The following NXPH1 variants were observed in gnomAD, a reference collection of about 807,000 sequenced individuals.
The protein encoded by NXPH1 is neurexophilin 1, also known as neurexophilin-1.
A neutral mutation model predicts 23.7 loss-of-function variants in NXPH1; 5 were observed. That is an observed-to-expected ratio of 0.21 (90% CI 0.11 to 0.44). The LOEUF (loss-of-function observed/expected upper bound fraction) is 0.44, where lower values mean the gene tolerates loss of function less well. NXPH1 is among the 20% of genes least tolerant of loss of function. The pLI is 0.99. For missense variants in NXPH1, 324 were observed against 321.6 expected (o/e 1.01, Z -0.06); for synonymous variants, 144 against 122.2 (o/e 1.18, Z -1.18).
chr7:8,738,923 T>A (rs868168492), intron 2 of NXPH1, among the ~76,000 whole-genome samples: 18 of 152,186 alleles, frequency 1.2e-4, no homozygotes, highest in African/African-American at 4.3e-4. Context: ...TTGTTTACAC[T>A]GTGAGGGGAA....
chr7:8,506,698 A>G (rs1441067591), intron 2 of NXPH1, among the ~76,000 whole-genome samples: 1 of 152,076 alleles, frequency 6.6e-6, no homozygotes, highest in Non-Finnish European at 1.5e-5. Flanking sequence ...GATGTTTGAG[A>G]TAAGAGCTAA....
intron 2 of NXPH1, among the ~76,000 whole-genome samples, chr7:8,640,894 C>CA (rs1233333483): frequency 1.3e-5 from 2 of 151,964 alleles, no homozygotes; most frequent in African/African-American, 4.8e-5. Context: ...TTCAAGGCTG[C>CA]AGTGAGCTGT....
intron 2 of NXPH1, among the ~76,000 whole-genome samples, chr7:8,675,344 T>C (rs1221844994): frequency 1.3e-5 from 2 of 152,086 alleles, no homozygotes; most frequent in African/African-American, 4.8e-5. Context: ...AATATTCTAA[T>C]TTTTAGGCAT....
chr7:8,690,786 G>T lies in NXPH1; in HGVS notation c.55-60222G>T, dbSNP rs187302999. On this transcript the variant is annotated intron_variant, in intron 2 of 2. Coordinates refer to ENST00000405863, the MANE Select transcript of NXPH1 (RefSeq NM_152745.3). ...ATCAGTGTTCCATTTTCATATTGAC[G>T]CATTTACTGCCTCGTTTGTGACATC... is the stretch of plus-strand genomic sequence containing the variant. Among the ~76,000 whole-genome samples, 957 of 152,200 alleles carry T rather than the reference G, an allele frequency of 6.3e-3. 43 individuals carry two copies. The highest frequency in any genetic ancestry group is 0.057 in the Admixed American group (869 of 15,274).
chr7:8,494,951 T>A (rs567714572), intron 2 of NXPH1, among the ~76,000 whole-genome samples: 2 of 152,080 alleles, frequency 1.3e-5, no homozygotes, highest in African/African-American at 4.8e-5. Context: ...GTTAAGTTCA[T>A]GCTTTTATTT....
chr7:8,496,872 T>G (rs1237060719), intron 2 of NXPH1, among the ~76,000 whole-genome samples: 2 of 152,108 alleles, frequency 1.3e-5, no homozygotes, highest in African/African-American at 4.8e-5. Flanking sequence ...TAAAAACAGA[T>G]TTTTTAAAAA....
chr7:8,503,860 C>T (rs1817478214), intron 2 of NXPH1, among the ~76,000 whole-genome samples: 1 of 152,020 alleles, frequency 6.6e-6, no homozygotes, highest in Admixed American at 6.6e-5. Flanking sequence ...CACATCACCA[C>T]TCTCCTCAGT....
chr7:8,663,806 A>G (rs1820718142), intron 2 of NXPH1, among the ~76,000 whole-genome samples: 1 of 152,036 alleles, frequency 6.6e-6, no homozygotes, highest in Admixed American at 6.6e-5. Flanking sequence ...TGATAGTCTT[A>G]ATTCATGGAG....
At chr7:8,454,664 G>A (rs1314785422) in intron 2 of NXPH1, among the ~76,000 whole-genome samples, 3 of 152,066 alleles carry the variant, frequency 2.0e-5, no homozygotes, top group Non-Finnish European at 4.4e-5. Flanking sequence ...AGTGCAAAAA[G>A]CCTCTTTAAA....
chr7:8,681,756 C>G (rs10269393), intron 2 of NXPH1, among the ~76,000 whole-genome samples: 27,843 of 152,142 alleles, frequency 0.18, 6,076 homozygotes, highest in African/African-American at 0.53. Flanking sequence ...TTTTTCTTGA[C>G]AAACATCAGG....
intron 2 of NXPH1, among the ~76,000 whole-genome samples, chr7:8,647,275 G>C (rs1028402643): frequency 1.3e-5 from 2 of 152,096 alleles, no homozygotes; most frequent in African/African-American, 4.8e-5. Flanking sequence ...CCAGGGACTG[G>C]ACATCCAGGC....
At chr7:8,501,964 A>G (rs1298765589) in intron 2 of NXPH1, among the ~76,000 whole-genome samples, 1 of 152,092 alleles carries the variant, frequency 6.6e-6, no homozygotes, top group African/African-American at 2.4e-5. Flanking sequence ...TAGAGAAAAA[A>G]ATTAATCTGA....
Position 8,483,965 on chromosome 7 carries a change from C to CTTTTTTTTTTTTTTTTTTTT in NXPH1, c.54+48215_54+48216insTTTTTTTTTTTTTTTTTTTT, listed in dbSNP as rs60436502. Among the ~76,000 whole-genome samples the CTTTTTTTTTTTTTTTTTTTT allele has an allele frequency of 6.6e-4, 87 of 132,304 alleles. 2 individuals carry two copies. Among genetic ancestry groups the CTTTTTTTTTTTTTTTTTTTT allele is most frequent in the African/African-American group, 2.6e-3 (83 of 32,030 alleles). The allele number at this position is 132,304 out of a possible 152,430, so 86.8% of individuals were successfully genotyped here. ...CTAGAATAAATAACACTCCCCCCAC[C>CTTTTTTTTTTTTTTTTTTTT]TTTTTTTTTTTTTTTTTAAGAAGTA... On this transcript the variant is annotated intron_variant, in intron 2 of 2. Transcript: ENST00000405863.
intron 2 of NXPH1, among the ~76,000 whole-genome samples, chr7:8,462,386 C>T (rs1189248487): frequency 1.3e-5 from 2 of 152,172 alleles, no homozygotes; most frequent in African/African-American, 4.8e-5. Flanking sequence ...ATTTAAAGAA[C>T]ATATATGTGC....
intron 2 of NXPH1, among the ~76,000 whole-genome samples, chr7:8,643,261 A>G (rs1820346378): frequency 6.6e-6 from 1 of 152,156 alleles, no homozygotes; most frequent in Non-Finnish European, 1.5e-5. Context: ...TTTTATCTTG[A>G]CATTAATTTT....
chr7:8,556,281 A>G (rs1024620039), intron 2 of NXPH1, among the ~76,000 whole-genome samples: 3 of 151,708 alleles, frequency 2.0e-5, no homozygotes, highest in African/African-American at 7.2e-5. Context: ...GTGACTTGAC[A>G]CAACAGTCAT....
chr7:8,506,317 C>T (rs538256120), intron 2 of NXPH1, among the ~76,000 whole-genome samples: 1 of 152,206 alleles, frequency 6.6e-6, no homozygotes, highest in East Asian at 1.9e-4. Context: ...CTACATCATC[C>T]AGTGTCCTGA....
chr7:8,440,172 T>C (rs948570532), intron 2 of NXPH1, among the ~76,000 whole-genome samples: 3 of 152,206 alleles, frequency 2.0e-5, no homozygotes, highest in African/African-American at 4.8e-5. Context: ...AGTTTTAAGA[T>C]GTATTCCTGA....
At chr7:8,730,533 C>G (rs1384004251) in intron 2 of NXPH1, among the ~76,000 whole-genome samples, 1 of 151,682 alleles carries the variant, frequency 6.6e-6, no homozygotes, top group Non-Finnish European at 1.5e-5. Flanking sequence ...TAGGGCAGGC[C>G]TGGTGGTGAC....
Sources: gnomAD v4.1 joint callset for allele counts (sites outside exome capture counted in the v4.1 genomes callset) on GRCh38, gnomAD v4.1.1 for gene constraint, MANE v1.5 for transcripts, NCBI Gene and HGNC (gene_info 2026-07-23, HGNC 2026-07-21) for gene names.